The following ARHGEF40 variants were observed in gnomAD, a reference collection of about 807,000 sequenced individuals.
ARHGEF40 encodes the protein Rho guanine nucleotide exchange factor (GEF) 40.
A neutral mutation model predicts 165.9 loss-of-function variants in ARHGEF40; 98 were observed. That is an observed-to-expected ratio of 0.59 (90% CI 0.50 to 0.70). ARHGEF40 has a LOEUF of 0.70. Ranked by LOEUF, ARHGEF40 falls within the 30% of genes least tolerant of loss-of-function variation. The probability of loss-of-function intolerance (pLI) is 0.00; values close to 1 mark genes in which losing one functional copy is unlikely to be tolerated. For missense variants in ARHGEF40, 1,815 were observed against 1,968.0 expected, an observed-to-expected ratio of 0.92 and a Z score of 1.47; for synonymous variants, 792 against 814.3, an observed-to-expected ratio of 0.97 and a Z score of 0.47.
chr14:21,070,280 C>G, upstream of ARHGEF40: 3 of 1,117,500 alleles, frequency 2.7e-6, no homozygotes, highest in South Asian at 4.2e-5. The surrounding 1 kb of genome is among the most constrained non-coding windows in gnomAD (Gnocchi z 4.7). Context: ...GAGCCGCCAC[C>G]GCGGCCGGAG....
rs761099141 is a variant in ARHGEF40, at chr14:21,087,396, AGCCTGCT to A, written c.4321_4327del (p.Ala1441ProfsTer59). On this transcript the variant is annotated frameshift_variant, in exon 21 of 24. Coordinates refer to ENST00000298694, the MANE Select transcript of ARHGEF40 (RefSeq NM_018071.5). LOFTEE classifies it high-confidence loss of function. ...CCTCCCTTCCCGGCCTTTCGCCGGG[AGCCTGCT>A]CCCTGCCTGCCCGCGTCGAGGAGGA... 5 of 1,602,788 alleles carry A rather than the reference AGCCTGCT, an allele frequency of 3.1e-6. No individual in the cohort carries two copies. The highest frequency in any genetic ancestry group is 4.2e-6 in the Non-Finnish European group (5 of 1,179,860).
rs771486750 is a variant in ARHGEF40, at chr14:21,084,872, C to T, written c.3909C>T (p.Leu1303=). 7 of 1,614,176 alleles carry T rather than the reference C, an allele frequency of 4.3e-6. No individual in the cohort carries two copies. In the South Asian group the frequency reaches 5.5e-5, roughly 13 times the overall value. The part of the protein sequence containing the change: ...LFEHLLLFSK[L]KGPEGGSEMF... ...AGCATCTCCTCCTGTTCAGCAAGCTCAAGGGCCCTGAAGGGGGGTCAGAGA... is the reference window on the plus strand; with the variant it reads ...AGCATCTCCTCCTGTTCAGCAAGCTTAAGGGCCCTGAAGGGGGGTCAGAGA... The change falls in exon 18 of 24, where the codon CTC becomes CTT. Residue 1303 remains leucine, a synonymous_variant. Coordinates refer to ENST00000298694, the MANE Select transcript of ARHGEF40 (RefSeq NM_018071.5).
At chr14:21,063,806 A>C in the ARHGEF40 span, among the ~76,000 whole-genome samples, 1 of 152,348 alleles carries the variant, frequency 6.6e-6, no homozygotes, top group East Asian at 1.9e-4. Flanking sequence ...CAAATCTGGA[A>C]AGCTTATAAA....
chr14:21,081,142 T>G, intron 13 of ARHGEF40, 126 bp downstream of exon 13: 2 of 1,441,238 alleles, frequency 1.4e-6, no homozygotes, highest in Non-Finnish European at 1.9e-6. Flanking sequence ...GTTTTTGCTC[T>G]TAGCTCTGCC....
intron 19 of ARHGEF40, 76 bp from the exon 20 acceptor site, chr14:21,086,925 A>AAG: frequency 4.1e-6 from 5 of 1,207,258 alleles, no homozygotes; most frequent in Admixed American, 2.9e-5. Context: ...AAAAAAAAGA[A>AAG]AAAAATCAAC....
Position 21,085,767 on chromosome 14 carries a change from C to T in ARHGEF40, c.4039C>T (p.Arg1347Ter), listed in dbSNP as rs780577031. 8 of 1,614,034 alleles carry T rather than the reference C, an allele frequency of 5.0e-6. No homozygotes were observed. The highest frequency in any genetic ancestry group is 5.1e-6 in the Non-Finnish European group (6 of 1,180,044). ...GTTGTGGTTTCGGCGGCGGCGTGCA[C>T]GAGAGGCATACACTCTGCAGGCAAC... ...FELWFRRRRA[R>*]EAYTLQATSP... Residue 1347 changes from arginine to a stop codon, truncating the protein, a stop_gained, in exon 19 of 24, where the codon CGA becomes TGA. Transcript: ENST00000298694. LOFTEE classifies it high-confidence loss of function.
Position 21,070,700 on chromosome 14 carries a change from C to T in ARHGEF40, c.3+301C>T. The T allele has an allele frequency of 5.4e-6, 6 of 1,121,180 alleles. No individual in the cohort carries two copies. The highest frequency in any genetic ancestry group is 7.7e-6 in the Non-Finnish European group (6 of 780,786). 69.5% of individuals were successfully genotyped at this position (1,121,180 alleles called of 1,614,324 possible). A position where few individuals can be genotyped will look rare whatever the true frequency, so the allele number is the denominator to read the frequency against. On this transcript the variant is annotated intron_variant, in intron 1 of 23. Transcript: ENST00000298694. This position sits in a 1 kb window ranked among gnomAD's most constrained non-coding sequence, Gnocchi z 4.7. ...GCTCCCCGCCCTCCTCTGTCCTGAC[C>T]TGTGCCTTCCTTTCCTGGAGCTTCC...
rs745921731 is a variant in ARHGEF40 at position 21,085,704 on chromosome 14, C to T, written c.3976C>T (p.Leu1326=). 3 of 1,613,914 alleles carry T rather than the reference C, an allele frequency of 1.9e-6. No individual in the cohort carries two copies. The highest frequency in any genetic ancestry group is 8.5e-7 in the Non-Finnish European group (1 of 1,180,044). Residue 1326 remains leucine (L), a synonymous_variant, in exon 19 of 24, where the codon CTG becomes TTG. Coordinates refer to ENST00000298694, the MANE Select transcript of ARHGEF40 (RefSeq NM_018071.5). Reference sequence around the variant, plus strand: ...TCTTCCTCAGACTGCTGATATGGGGCTGACAGAAAACATCGGGGACAGCGG... The same window carrying T: ...TCTTCCTCAGACTGCTGATATGGGGTTGACAGAAAACATCGGGGACAGCGG... ...KQAFKTADMG[L]TENIGDSGLC... is the part of the protein sequence containing the mutation.
chr14:21,075,626 G>T lies in ARHGEF40; in HGVS notation c.1619-19G>T. 1.2e-6 allele frequency: 2 copies of T among 1,614,096 alleles called. No homozygotes were observed. The highest frequency in any genetic ancestry group is 2.7e-5 in the African/African-American group (2 of 75,036). ...GGACTGCTCCCAGCCAGGACAGCCTGGCCATTTTGTGTCTTCAGGAGGGGT... is the reference window on the plus strand; with the variant it reads ...GGACTGCTCCCAGCCAGGACAGCCTTGCCATTTTGTGTCTTCAGGAGGGGT... On this transcript the variant is annotated intron_variant, in intron 4 of 23. Coordinates refer to ENST00000298694, the MANE Select transcript of ARHGEF40 (RefSeq NM_018071.5). The surrounding 1 kb of genome is among the most constrained non-coding windows in gnomAD (Gnocchi z 4.5).
rs1213139342 is a variant in ARHGEF40, at chr14:21,075,865, G to A, written c.1739+100G>A. 2 of 1,443,816 alleles carry A rather than the reference G, an allele frequency of 1.4e-6. No homozygotes were observed. Among genetic ancestry groups the A allele is most frequent in the Non-Finnish European group, 1.9e-6 (2 of 1,072,370 alleles). The allele number at this position is 1,443,816 out of a possible 1,614,324, so 89.4% of individuals were successfully genotyped here. ...GGACACTGACCTTCTGACCTCTAAG[G>A]ACACCTACTTCTTCAACCTTCAGAC... On this transcript the variant is annotated intron_variant, in intron 5 of 23. Coordinates refer to ENST00000298694, the MANE Select transcript of ARHGEF40 (RefSeq NM_018071.5). The surrounding 1 kb of genome is among the most constrained non-coding windows in gnomAD (Gnocchi z 4.5).
chr14:21,085,976 A>G (rs1299432833), intron 19 of ARHGEF40, 110 bp downstream of exon 19: 4 of 1,204,198 alleles, frequency 3.3e-6, no homozygotes, highest in Non-Finnish European at 2.3e-6. Context: ...TGAAGAAAGA[A>G]TGGCTTATAA....
chr14:21,075,068 A>G lies in ARHGEF40; in HGVS notation c.1338A>G (p.Lys446=). 1 of 1,614,140 alleles carries G rather than the reference A, an allele frequency of 6.2e-7. No homozygotes were observed. The highest frequency in any genetic ancestry group is 8.5e-7 in the Non-Finnish European group (1 of 1,180,034). ...CAGGGAAGCCAGAATCTGAGCCAAA[A>G]GAGCTCAAAACAGCAGGCGAGAAAG... is the stretch of plus-strand genomic sequence containing the variant. ...EGSGKPESEP[K]ELKTAGEKEP... The change falls in exon 3 of 24, where the codon AAA becomes AAG. Residue 446 remains lysine, a synonymous_variant. Transcript: ENST00000298694. The surrounding 1 kb of genome is among the most constrained non-coding windows in gnomAD (Gnocchi z 4.5).
At chr14:21,079,363 G>A (rs1166228452) in intron 11 of ARHGEF40, among the ~76,000 whole-genome samples, 1 of 152,126 alleles carries the variant, frequency 6.6e-6, no homozygotes, top group Non-Finnish European at 1.5e-5. Context: ...CAGCTCATTA[G>A]TTATACTGCC....
chr14:21,070,896 G>A lies in ARHGEF40; in HGVS notation c.3+497G>A. 1 of 1,533,130 alleles carries A rather than the reference G, an allele frequency of 6.5e-7. No individual in the cohort carries two copies. The highest frequency in any genetic ancestry group is 1.2e-5 in the South Asian group (1 of 84,006). 95.0% of individuals were successfully genotyped at this position (1,533,130 alleles called of 1,614,324 possible). A position where few individuals can be genotyped will look rare whatever the true frequency, so the allele number is the denominator to read the frequency against. The stretch of plus-strand genomic sequence containing the variant: ...AGGCAGGCCCACCCATCCGGCCCTA[G>A]GGGACTGGCCACAGCTGTGGCTGGG... On this transcript the variant is annotated intron_variant, in intron 1 of 23. Transcript: ENST00000298694. This position sits in a 1 kb window ranked among gnomAD's most constrained non-coding sequence, Gnocchi z 4.7.
chr14:21,084,004 C>T lies in ARHGEF40; in HGVS notation c.3743C>T (p.Ala1248Val), dbSNP rs1350042838. The change falls in exon 17 of 24, where the codon GCC becomes GTC. Residue 1248 changes from alanine to valine, a missense_variant. By Grantham distance (64) the Ala-to-Val change is moderately conservative. Coordinates refer to ENST00000298694, the MANE Select transcript of ARHGEF40 (RefSeq NM_018071.5). ...AAVQLLREQE[A>V]RGRDLLAVEA... ...GTACAGCTGCTCCGGGAACAAGAGG[C>T]CCGTGGCAGAGACCTGCTGGCCGTG... 1.9e-6 allele frequency: 3 copies of T among 1,612,492 alleles called. No individual in the cohort carries two copies. In the South Asian group the frequency reaches 3.3e-5, roughly 18 times the overall value.
rs1887005193 is a variant in ARHGEF40, at chr14:21,072,271, A to G, written c.4-774A>G. ...GGCAGAGAGAGGTCCCACTGGAATC[A>G]GAAAAGATCAGCTCGAATGCGCACC... On this transcript the variant is annotated intron_variant, in intron 1 of 23. Coordinates refer to ENST00000298694, the MANE Select transcript of ARHGEF40 (RefSeq NM_018071.5). The surrounding 1 kb of genome is among the most constrained non-coding windows in gnomAD (Gnocchi z 4.1). Among the ~76,000 whole-genome samples the G allele has an allele frequency of 6.6e-6, 1 of 152,166 alleles. No individual in the cohort carries two copies. Among genetic ancestry groups the G allele is most frequent in the African/African-American group, 2.4e-5 (1 of 41,430 alleles).
upstream of ARHGEF40, among the ~76,000 whole-genome samples, chr14:21,069,359 G>C (rs539419578): frequency 5.3e-4 from 81 of 152,310 alleles, 2 homozygotes; most frequent in African/African-American, 1.9e-3. Context: ...ACGAGCCCTA[G>C]CGGCCCTGCG....
chr14:21,070,726 C>T lies in ARHGEF40; in HGVS notation c.3+327C>T. On this transcript the variant is annotated intron_variant, in intron 1 of 23. Transcript: ENST00000298694. This position sits in a 1 kb window ranked among gnomAD's most constrained non-coding sequence, Gnocchi z 4.7. ...TGTGCCTTCCTTTCCTGGAGCTTCC[C>T]TCCCCCTCCTGGTCCGAGCTCCTTA... is the stretch of plus-strand genomic sequence containing the variant. The T allele has an allele frequency of 1.5e-6, 2 of 1,324,178 alleles. No individual in the cohort carries two copies. Among genetic ancestry groups the T allele is most frequent in the Non-Finnish European group, 2.1e-6 (2 of 960,734 alleles). 82.0% of individuals were successfully genotyped at this position (1,324,178 alleles called of 1,614,324 possible). A position where few individuals can be genotyped will look rare whatever the true frequency, so the allele number is the denominator to read the frequency against.
rs778956591 is a variant in ARHGEF40 at position 21,081,540 on chromosome 14, G to C, written c.2672G>C (p.Arg891Pro). 5 of 1,612,968 alleles carry C rather than the reference G, an allele frequency of 3.1e-6. No individual in the cohort carries two copies. The highest frequency in any genetic ancestry group is 3.4e-6 in the Non-Finnish European group (4 of 1,179,910). The change falls in exon 14 of 24, where the codon CGG becomes CCG. Residue 891 changes from arginine to proline, a missense_variant. Arg to Pro is a moderately radical substitution (Grantham distance 103, BLOSUM62 -2). Coordinates refer to ENST00000298694, the MANE Select transcript of ARHGEF40 (RefSeq NM_018071.5). ...GAATGGGTGGATGAGGGCTTTGCTC[G>C]GCTGGCAGGAGCTGGGCCGGGTCGG... ...AHEWVDEGFA[R>P]LAGAGPGREA... is the part of the protein sequence containing the mutation.
Sources: allele counts gnomAD v4.1 joint callset (sites outside exome capture counted in the v4.1 genomes callset), GRCh38; gene constraint gnomAD v4.1.1; non-coding constraint Gnocchi (gnomAD v3.1); transcripts MANE v1.5; gene names NCBI Gene and HGNC (gene_info 2026-07-23, HGNC 2026-07-21).